IQCJ: variants seen among roughly 807,000 people sequenced by gnomAD.
IQCJ encodes the protein IQ motif containing J.
A neutral mutation model predicts 11.0 loss-of-function variants in IQCJ; 9 were observed. The ratio of observed to expected loss-of-function variants is 0.82; its 90% CI spans 0.49 to 1.43. The LOEUF is 1.43. Ranked by LOEUF, IQCJ falls within the 40% of genes most tolerant of loss-of-function variation. The pLI is 0.00. For synonymous variants in IQCJ, 55 were observed against 51.3 expected (o/e 1.07, Z -0.31); for missense variants, 146 against 133.2 (o/e 1.10, Z -0.47).
chr3:159,111,051 C>T (rs1718591763), intron 1 of IQCJ, among the ~76,000 whole-genome samples: 1 of 152,172 alleles, frequency 6.6e-6, no homozygotes, highest in Admixed American at 6.5e-5. Context: ...AGATGTTTGC[C>T]CTGGGCCTCA....
intron 1 of IQCJ, among the ~76,000 whole-genome samples, chr3:159,129,830 G>A (rs1386701050): frequency 6.6e-6 from 1 of 152,084 alleles, no homozygotes; most frequent in South Asian, 2.1e-4. Flanking sequence ...TATTATCTTG[G>A]ATAAGTACAG....
intron 1 of IQCJ, among the ~76,000 whole-genome samples, chr3:159,215,798 T>C (rs1470840967): frequency 6.6e-6 from 1 of 152,070 alleles, no homozygotes; most frequent in African/African-American, 2.4e-5. Flanking sequence ...GTGCTGGATG[T>C]TAACAATGCA....
At chr3:159,084,406 G>A (rs1480133505) in intron 1 of IQCJ, among the ~76,000 whole-genome samples, 1 of 151,998 alleles carries the variant, frequency 6.6e-6, no homozygotes, top group Non-Finnish European at 1.5e-5. Flanking sequence ...GTAAATCTGG[G>A]AGTTGTTTGC....
intron 1 of IQCJ, among the ~76,000 whole-genome samples, chr3:159,079,329 G>T (rs1371950693): frequency 6.6e-6 from 1 of 152,060 alleles, no homozygotes; most frequent in African/African-American, 2.4e-5. Context: ...TCTTGCTCTG[G>T]GGAGTTGGTC....
At chr3:159,210,441 G>T (rs990955562) in intron 1 of IQCJ, among the ~76,000 whole-genome samples, 1 of 152,092 alleles carries the variant, frequency 6.6e-6, no homozygotes, top group Admixed American at 6.5e-5. Flanking sequence ...TTATATAGTT[G>T]GCCCCTGAAA....
chr3:159,215,761 G>C (rs914969374), intron 1 of IQCJ, among the ~76,000 whole-genome samples: 6 of 152,214 alleles, frequency 3.9e-5, no homozygotes, highest in Non-Finnish European at 8.8e-5. Flanking sequence ...CAAAGGCAAT[G>C]AACAGCTGGA....
intron 1 of IQCJ, among the ~76,000 whole-genome samples, chr3:159,088,350 A>G (rs1164325419): frequency 2.6e-5 from 4 of 152,010 alleles, no homozygotes; most frequent in Non-Finnish European, 5.9e-5. Flanking sequence ...TATGTGGTCA[A>G]TTTTGGAATA....
chr3:159,187,781 G>A (rs1723455784), intron 1 of IQCJ, among the ~76,000 whole-genome samples: 1 of 152,244 alleles, frequency 6.6e-6, no homozygotes, highest in African/African-American at 2.4e-5. Context: ...CAAGGGAGGT[G>A]TAGCATCTGA....
intron 1 of IQCJ, among the ~76,000 whole-genome samples, chr3:159,107,129 GT>G (rs1718314053): frequency 6.6e-6 from 1 of 151,972 alleles, no homozygotes; most frequent in Admixed American, 6.6e-5. Flanking sequence ...ACCTGCTGTG[GT>G]TTAAATTTTT....
At chr3:159,110,172 T>C (rs544473060) in intron 1 of IQCJ, among the ~76,000 whole-genome samples, 22 of 152,332 alleles carry the variant, frequency 1.4e-4, no homozygotes, top group Non-Finnish European at 2.6e-4. Flanking sequence ...TGGCCTGAAC[T>C]CTGTGGCTTA....
chr3:159,246,007 C>T (rs1727250491), intron 2 of IQCJ, 100 bp downstream of exon 2: 1 of 905,772 alleles, frequency 1.1e-6, no homozygotes, highest in Admixed American at 2.6e-5. Context: ...TGGACAGTTT[C>T]TTATGTTATC....
intron 1 of IQCJ, among the ~76,000 whole-genome samples, chr3:159,102,443 GTAACAGGAAAGAGTA>G (rs1190857657): frequency 2.6e-5 from 4 of 152,196 alleles, no homozygotes; most frequent in Non-Finnish European, 5.9e-5. Flanking sequence ...ACTAATATCT[GTAACAGGAAAGAGTA>G]AGCATTAATT....
At chr3:159,184,567 C>A (rs2108023774) in intron 1 of IQCJ, among the ~76,000 whole-genome samples, 1 of 152,300 alleles carries the variant, frequency 6.6e-6, no homozygotes, top group East Asian at 1.9e-4. Flanking sequence ...CCCAAACCTA[C>A]AATAGTCTAA....
At chr3:159,146,806 T>A (rs1720948762) in intron 1 of IQCJ, among the ~76,000 whole-genome samples, 1 of 152,218 alleles carries the variant, frequency 6.6e-6, no homozygotes, top group Non-Finnish European at 1.5e-5. Context: ...ATCAGCTGTA[T>A]CTCCTCACTG....
rs529165389 is a variant in IQCJ, at chr3:159,083,833, A to G, written c.9+14392A>G. On this transcript the variant is annotated intron_variant, in intron 1 of 3. Coordinates refer to ENST00000397832, the MANE Select transcript of IQCJ (RefSeq NM_001042706.3). ...AAAAAATTATATATTGTATGATTCC[A>G]TTCATATAACATTCTTGGAGTGACA... Among the ~76,000 whole-genome samples the G allele has an allele frequency of 7.2e-5, 11 of 152,280 alleles. 1 individual carries two copies. Among genetic ancestry groups the G allele is most frequent in the African/African-American group, 2.4e-4 (10 of 41,572 alleles).
chr3:159,208,648 T>C (rs755892098), intron 1 of IQCJ, among the ~76,000 whole-genome samples: 2 of 152,236 alleles, frequency 1.3e-5, no homozygotes, highest in Non-Finnish European at 2.9e-5. Flanking sequence ...GTGAGGGGTC[T>C]TTGGATTAAC....
chr3:159,261,673 C>T lies in IQCJ; in HGVS notation c.156-875C>T, dbSNP rs144888437. 4.0e-3 allele frequency among the ~76,000 whole-genome samples: 611 copies of T among 152,262 alleles called. 3 individuals carry two copies. Among genetic ancestry groups the T allele is most frequent in the Non-Finnish European group, 4.8e-3 (328 of 68,034 alleles). On this transcript the variant is annotated intron_variant, in intron 3 of 3. Transcript: ENST00000397832. ...CTTTTCTTAATAAATTACCCAGTCT[C>T]GGGTATTTCTTCATAGCAGCATGAA...
intron 1 of IQCJ, among the ~76,000 whole-genome samples, chr3:159,187,533 T>A (rs561191392): frequency 1.3e-5 from 2 of 152,276 alleles, no homozygotes; most frequent in Non-Finnish European, 2.9e-5. Flanking sequence ...GCTTCGCTCC[T>A]GGTGCACCAT....
At chr3:159,140,912 C>A (rs113757721) in intron 1 of IQCJ, among the ~76,000 whole-genome samples, 2 of 152,240 alleles carry the variant, frequency 1.3e-5, no homozygotes, top group South Asian at 2.1e-4. Context: ...GGTAAAGAGC[C>A]CTGCACTTTT....
Sources: allele counts gnomAD v4.1 joint callset (sites outside exome capture counted in the v4.1 genomes callset), GRCh38; gene constraint gnomAD v4.1.1; transcripts MANE v1.5; gene names NCBI Gene and HGNC (gene_info 2026-07-23, HGNC 2026-07-21).